ACOXL: variants seen among roughly 807,000 people sequenced by gnomAD.
ACOXL encodes the protein acyl-coenzyme A oxidase-like protein.
ACOXL carries 70 observed loss-of-function variants against 71.9 expected under a neutral mutation model. That is an observed-to-expected ratio of 0.97 (90% confidence interval 0.80 to 1.19). ACOXL has a LOEUF of 1.19. ACOXL is among the 50% of genes most tolerant of loss of function. The pLI is 0.00. For synonymous variants in ACOXL, 253 were observed against 281.6 expected (o/e 0.90, Z 1.02); for missense variants, 703 against 736.3 (o/e 0.95, Z 0.52).
chr2:110,856,756 C>T (rs1693298876), intron 10 of ACOXL, among the ~76,000 whole-genome samples: 1 of 152,184 alleles, frequency 6.6e-6, no homozygotes, highest in Non-Finnish European at 1.5e-5. Context: ...TCAGTACTCT[C>T]CCTGGTTTTA....
intron 8 of ACOXL, among the ~76,000 whole-genome samples, chr2:110,801,940 G>A: frequency 6.6e-6 from 1 of 152,214 alleles, no homozygotes; most frequent in South Asian, 2.1e-4. Context: ...CATAATGACT[G>A]TTACACTTCA....
chr2:110,818,387 CTG>C (rs1559302685), intron 9 of ACOXL, among the ~76,000 whole-genome samples: 5 of 52,654 alleles, frequency 9.5e-5, no homozygotes, highest in Non-Finnish European at 1.5e-4. Flanking sequence ...GAGTGAGACT[CTG>C]TCTCAAAAAA....
At chr2:111,026,125 C>T (rs950301193) in intron 14 of ACOXL, among the ~76,000 whole-genome samples, 1 of 152,160 alleles carries the variant, frequency 6.6e-6, no homozygotes, top group Non-Finnish European at 1.5e-5. Context: ...ACTCATGTTT[C>T]TATCCTTACC....
intron 1 of ACOXL, among the ~76,000 whole-genome samples, chr2:110,754,857 T>C (rs1345721672): frequency 6.6e-6 from 1 of 152,228 alleles, no homozygotes; most frequent in Non-Finnish European, 1.5e-5. Flanking sequence ...TACCTGGGAT[T>C]GCGATTGCAC....
chr2:110,921,641 C>T (rs966721511), intron 11 of ACOXL, among the ~76,000 whole-genome samples: 31 of 152,234 alleles, frequency 2.0e-4, no homozygotes, highest in African/African-American at 7.2e-4. Context: ...GATCTGCCCG[C>T]CTTGGCCTCC....
At chr2:110,987,588 T>A (rs2062988873) in intron 13 of ACOXL, among the ~76,000 whole-genome samples, 1 of 152,216 alleles carries the variant, frequency 6.6e-6, no homozygotes, top group Non-Finnish European at 1.5e-5. Flanking sequence ...AGAGGTGAGA[T>A]TTGAACCCAG....
chr2:110,972,086 A>G (rs1158881108), intron 12 of ACOXL, among the ~76,000 whole-genome samples: 1 of 152,232 alleles, frequency 6.6e-6, no homozygotes, highest in African/African-American at 2.4e-5. Flanking sequence ...GGGGAAAAAC[A>G]GGGACTCCTT....
rs769458079 is a variant in ACOXL at position 110,793,808 on chromosome 2, G to A, written c.246+72G>A. 8.9e-5 allele frequency: 105 copies of A among 1,183,168 alleles called. No individual in the cohort carries two copies. In the Admixed American group the frequency reaches 9.0e-4, roughly 10 times the overall value. 73.3% of individuals were successfully genotyped at this position (1,183,168 alleles called of 1,614,324 possible). On this transcript the variant is annotated intron_variant, in intron 4 of 17. Transcript: ENST00000439055. ...ATCTGTAGTAGATAGATATGCATGT[G>A]TGTATGTGTTTGAAGAAAAATAAAA...
rs371460199 is a variant in ACOXL, at chr2:110,798,629, C to T, written c.365C>T (p.Pro122Leu). ...GTGTAGGAGTTTGTAATTGACACGC[C>T]GTGTGAAAATGCGGAGAAGATGTAT... ...LSAQEFVIDT[P>L]CENAEKMYIG... Residue 122 changes from proline to leucine, a missense_variant, in exon 6 of 18, where the codon CCG (proline) becomes CTG (leucine). Coordinates refer to ENST00000439055, the MANE Select transcript of ACOXL (RefSeq NM_001142807.4). The T allele has an allele frequency of 8.6e-5, 138 of 1,613,910 alleles. No individual in the cohort carries two copies. The highest frequency in any genetic ancestry group is 4.9e-4 in the Middle Eastern group (3 of 6,062).
intron 10 of ACOXL, among the ~76,000 whole-genome samples, chr2:110,879,424 T>A (rs779042269): frequency 3.0e-4 from 45 of 152,172 alleles, no homozygotes; most frequent in Non-Finnish European, 6.0e-4. Flanking sequence ...AATCCTCTTT[T>A]GAGAAAGCAA....
At chr2:110,752,212 T>A (rs893080678) in intron 1 of ACOXL, among the ~76,000 whole-genome samples, 5 of 152,166 alleles carry the variant, frequency 3.3e-5, no homozygotes, top group African/African-American at 1.2e-4. Flanking sequence ...TTCACCATAT[T>A]GGCCAGGCTG....
intron 1 of ACOXL, among the ~76,000 whole-genome samples, chr2:110,748,640 C>CTAT (rs1678539042): frequency 6.6e-6 from 1 of 152,208 alleles, no homozygotes; most frequent in Admixed American, 6.5e-5. Context: ...TTTCCATTCA[C>CTAT]CATCAATTCA....
At chr2:111,022,623 G>A (rs771096829) in intron 14 of ACOXL, among the ~76,000 whole-genome samples, 3 of 152,082 alleles carry the variant, frequency 2.0e-5, no homozygotes, top group African/African-American at 4.8e-5. Context: ...TGGGGACCCC[G>A]AGGAAGGCAG....
At position 110,898,598 on chromosome 2, in the gene ACOXL, T is replaced by C. The variant is rs1437302624; in HGVS notation, c.789-10191T>C. 2.6e-5 allele frequency among the ~76,000 whole-genome samples: 4 copies of C among 152,194 alleles called. No homozygotes were observed. The East Asian group carries it at 7.7e-4, about 29-fold the overall frequency. On this transcript the variant is annotated intron_variant, in intron 10 of 17. Transcript: ENST00000439055. ...CTAAAGAGGAACATCCTCAACTGAA[T>C]AAAGAGCACCTACGAAAATTGTACA... is the stretch of plus-strand genomic sequence containing the variant.
intron 2 of ACOXL, among the ~76,000 whole-genome samples, chr2:110,774,962 AG>A (rs1181718167): frequency 2.0e-5 from 3 of 152,264 alleles, no homozygotes; most frequent in Non-Finnish European, 4.4e-5. Context: ...ACTGGCATAA[AG>A]ACAGGCGTAG....
chr2:110,923,952 G>T (rs2149304429), intron 11 of ACOXL, among the ~76,000 whole-genome samples: 1 of 151,602 alleles, frequency 6.6e-6, no homozygotes, highest in African/African-American at 2.4e-5. Context: ...AAAAAAAAGA[G>T]AAACAGAGCA....
intron 14 of ACOXL, among the ~76,000 whole-genome samples, chr2:111,015,469 C>T (rs2064381041): frequency 6.6e-6 from 1 of 152,108 alleles, no homozygotes; most frequent in Admixed American, 6.5e-5. Flanking sequence ...GACAACACTC[C>T]ATCCTGGCAA....
chr2:110,899,761 G>A (rs1421709313), intron 10 of ACOXL, among the ~76,000 whole-genome samples: 1 of 152,072 alleles, frequency 6.6e-6, no homozygotes, highest in Non-Finnish European at 1.5e-5. Context: ...AGGAATCACA[G>A]TTCTGACGAC....
chr2:110,740,468 C>T (rs892758115), intron 1 of ACOXL, among the ~76,000 whole-genome samples: 2 of 152,202 alleles, frequency 1.3e-5, no homozygotes, highest in African/African-American at 2.4e-5. Context: ...CACTGGCAGC[C>T]TGCAGCCCCA....
Sources: gnomAD v4.1 joint callset for allele counts (sites outside exome capture counted in the v4.1 genomes callset) on GRCh38, gnomAD v4.1.1 for gene constraint, MANE v1.5 for transcripts, NCBI Gene and HGNC (gene_info 2026-07-23, HGNC 2026-07-21) for gene names.